ACYP2: variants seen among roughly 807,000 people sequenced by gnomAD.
ACYP2 encodes acylphosphatase-2.
Under a neutral mutation model 11.2 loss-of-function variants are expected in ACYP2, and 12 were observed. The observed-to-expected ratio is 1.08, with a 90% CI of 0.69 to 1.74. The LOEUF (loss-of-function observed/expected upper bound fraction) is 1.74. Ranked by LOEUF, ACYP2 falls within the 40% of genes most tolerant of loss-of-function variation. ACYP2 has a pLI of 0.00. For synonymous variants in ACYP2, 43 were observed against 32.2 expected, an observed-to-expected ratio of 1.33 and a Z score of -1.13; for missense variants, 134 against 101.9, an observed-to-expected ratio of 1.31 and a Z score of -1.35.
At chr2:54,015,930 G>T (rs771387301) in intron 2 of ACYP2, among the ~76,000 whole-genome samples, 1 of 151,988 alleles carries the variant, frequency 6.6e-6, no homozygotes, top group Non-Finnish European at 1.5e-5. Context: ...CTCCCAAAGT[G>T]CTGGGATTAT....
At chr2:54,239,148 G>T (rs1230348254) in intron 6 of ACYP2, among the ~76,000 whole-genome samples, 1 of 151,812 alleles carries the variant, frequency 6.6e-6, no homozygotes, top group African/African-American at 2.4e-5. Flanking sequence ...CTTGATGAGA[G>T]AAAGTCTTGA....
chr2:54,176,164 A>G (rs756459019), intron 6 of ACYP2, among the ~76,000 whole-genome samples: 5 of 152,180 alleles, frequency 3.3e-5, no homozygotes, highest in African/African-American at 7.2e-5. Flanking sequence ...ACTGACTAAG[A>G]CATCCCCCTA....
intron 6 of ACYP2, among the ~76,000 whole-genome samples, chr2:54,278,143 A>G (rs910974986): frequency 1.3e-5 from 2 of 151,944 alleles, no homozygotes; most frequent in Non-Finnish European, 2.9e-5. Context: ...ATGCCGAGCT[A>G]ATTTTTTTGT....
chr2:54,080,004 C>A, intron 4 of ACYP2: 1 of 170,998 alleles, frequency 5.8e-6, no homozygotes, highest in South Asian at 1.5e-4. Flanking sequence ...GAGGCAGCAC[C>A]TGCAGGTCTA....
chr2:54,072,653 C>A (rs1383846859), intron 4 of ACYP2, among the ~76,000 whole-genome samples: 1 of 151,734 alleles, frequency 6.6e-6, no homozygotes. Flanking sequence ...ACCTCTGCCC[C>A]CTGGGCTTAA....
intron 4 of ACYP2, among the ~76,000 whole-genome samples, chr2:54,073,532 T>C (rs1442278167): frequency 6.6e-6 from 1 of 152,176 alleles, no homozygotes; most frequent in Non-Finnish European, 1.5e-5. Flanking sequence ...GTAAATAAAT[T>C]GGATTTTGTG....
chr2:54,119,571 C>T (rs578099168), intron 4 of ACYP2, among the ~76,000 whole-genome samples: 15 of 152,216 alleles, frequency 9.9e-5, no homozygotes, highest in African/African-American at 3.6e-4. Context: ...AAAATTGTTT[C>T]AATGACATGA....
At chr2:54,022,729 A>G (rs554318561) in intron 2 of ACYP2, among the ~76,000 whole-genome samples, 1 of 152,280 alleles carries the variant, frequency 6.6e-6, no homozygotes, top group South Asian at 2.1e-4. Flanking sequence ...GTAGATGCAG[A>G]AAGGACTCTC....
intron 4 of ACYP2, among the ~76,000 whole-genome samples, chr2:54,101,700 G>A (rs10207537): frequency 0.56 from 84,442 of 149,926 alleles, 23,910 homozygotes; most frequent in East Asian, 0.73. Context: ...ACTGCCAGGT[G>A]AAGTGTGTGT....
At chr2:54,122,934 T>G (rs888872566) in intron 4 of ACYP2, among the ~76,000 whole-genome samples, 3 of 152,208 alleles carry the variant, frequency 2.0e-5, no homozygotes, top group Non-Finnish European at 2.9e-5. Flanking sequence ...GATGTCTATC[T>G]GCAGGTAAGT....
At chr2:54,150,191 A>G (rs1444430742) in intron 6 of ACYP2, among the ~76,000 whole-genome samples, 3 of 152,234 alleles carry the variant, frequency 2.0e-5, no homozygotes, top group African/African-American at 4.8e-5. Context: ...TGTTTTGGCT[A>G]TGACTGCTTT....
intron 4 of ACYP2, among the ~76,000 whole-genome samples, chr2:54,060,036 CT>C (rs752508097): frequency 4.6e-5 from 7 of 152,086 alleles, no homozygotes; most frequent in Non-Finnish European, 8.8e-5. Flanking sequence ...TGGTGTAAGT[CT>C]TTTTTAATTC....
At chr2:54,186,040 A>G (rs568736448) in intron 6 of ACYP2, among the ~76,000 whole-genome samples, 3 of 152,240 alleles carry the variant, frequency 2.0e-5, no homozygotes, top group Admixed American at 6.5e-5. Flanking sequence ...TCACAAGAGA[A>G]GAAAAAACAT....
chr2:54,198,822 C>T (rs1415692057), intron 6 of ACYP2, among the ~76,000 whole-genome samples: 1 of 152,142 alleles, frequency 6.6e-6, no homozygotes, highest in Non-Finnish European at 1.5e-5. Context: ...TGCATATGTA[C>T]TTTGTTCTTA....
At chr2:54,250,902 T>C (rs1687192731) in intron 6 of ACYP2, among the ~76,000 whole-genome samples, 1 of 152,180 alleles carries the variant, frequency 6.6e-6, no homozygotes, top group Non-Finnish European at 1.5e-5. Context: ...CTCTTAATTA[T>C]CAAATGAAAT....
At chr2:54,165,088 AT>A (rs1035652859) in intron 6 of ACYP2, among the ~76,000 whole-genome samples, 7 of 151,262 alleles carry the variant, frequency 4.6e-5, no homozygotes, top group South Asian at 2.1e-4. Context: ...TATGTGCTAT[AT>A]TTTTTTTTAT....
At chr2:54,012,047 C>T (rs1022319316) in intron 2 of ACYP2, among the ~76,000 whole-genome samples, 6 of 152,066 alleles carry the variant, frequency 3.9e-5, no homozygotes, top group African/African-American at 1.2e-4. Flanking sequence ...ACCAGCTTGG[C>T]CAACATGGTG....
At chr2:53,983,644 C>T (rs10183655) in intron 2 of ACYP2, among the ~76,000 whole-genome samples, 65,800 of 151,978 alleles carry the variant, frequency 0.43, 14,511 homozygotes, top group South Asian at 0.5. Flanking sequence ...AGTTAGATCA[C>T]GTAGTACCTT....
At chr2:54,191,523 G>T (rs1038003890) in intron 6 of ACYP2, among the ~76,000 whole-genome samples, 3 of 152,156 alleles carry the variant, frequency 2.0e-5, no homozygotes, top group Non-Finnish European at 4.4e-5. Context: ...GTGTGACCTT[G>T]CACAAGTTAA....
Sources: allele counts gnomAD v4.1 joint callset (sites outside exome capture counted in the v4.1 genomes callset), GRCh38; gene constraint gnomAD v4.1.1; transcripts MANE v1.5; gene names NCBI Gene and HGNC (gene_info 2026-07-23, HGNC 2026-07-21).